Variants in NTM observed in about 807,000 individuals in gnomAD.
The protein encoded by NTM is neurotrimin.
In NTM, 13 loss-of-function variants were observed where a neutral mutation model predicts 42.1. The ratio of observed to expected loss-of-function variants is 0.31; its 90% CI spans 0.20 to 0.49. NTM has a LOEUF of 0.49. Among genes scored for constraint, NTM ranks in the 20% least tolerant of loss-of-function variants. NTM has a pLI of 0.99. For missense variants in NTM, 373 were observed against 452.8 expected (o/e 0.82, Z 1.60); for synonymous variants, 187 against 179.2 (o/e 1.04, Z -0.35).
chr11:131,919,040 G>A (rs552238955), intron 2 of NTM, among the ~76,000 whole-genome samples: 2 of 151,988 alleles, frequency 1.3e-5, no homozygotes, highest in South Asian at 2.1e-4. Flanking sequence ...ATTCTAGGAG[G>A]ATTCTACAGG....
intron 1 of NTM, among the ~76,000 whole-genome samples, chr11:131,744,606 A>G (rs910191269): frequency 6.6e-6 from 1 of 151,956 alleles, no homozygotes; most frequent in African/African-American, 2.4e-5. Flanking sequence ...GATATGGGTT[A>G]GAAAATTAAT....
intron 1 of NTM, among the ~76,000 whole-genome samples, chr11:131,761,678 G>A (rs1020989385): frequency 6.6e-6 from 1 of 151,948 alleles, no homozygotes; most frequent in Non-Finnish European, 1.5e-5. Context: ...GCGTGGTGGC[G>A]CATCCCTGTA....
rs544341749 is a variant in NTM, at chr11:131,414,849, G to T, written c.82+43961G>T. ...GTTCTTTCCAACCCTTCAGAAGCTTGCATGTTAGTCCTTCCATTGCCAAAC... is the reference window on the plus strand; with the variant it reads ...GTTCTTTCCAACCCTTCAGAAGCTTTCATGTTAGTCCTTCCATTGCCAAAC... On this transcript the variant is annotated intron_variant, in intron 1 of 8. Coordinates refer to ENST00000683400, the MANE Select transcript of NTM (RefSeq NM_001352005.2). Among the ~76,000 whole-genome samples, 9 of 152,242 alleles carry T rather than the reference G, an allele frequency of 5.9e-5. No individual in the cohort carries two copies. In the South Asian group the frequency reaches 1.7e-3, roughly 28 times the overall value.
chr11:131,526,416 C>T (rs1321882850), intron 1 of NTM, among the ~76,000 whole-genome samples: 1 of 152,180 alleles, frequency 6.6e-6, no homozygotes, highest in Admixed American at 6.5e-5. Context: ...CGTGCATCTC[C>T]AATGTCCGCT....
chr11:132,002,735 G>C lies in NTM; in HGVS notation c.167+91087G>C, dbSNP rs1272394655. On this transcript the variant is annotated intron_variant, in intron 2 of 8. Coordinates refer to ENST00000683400, the MANE Select transcript of NTM (RefSeq NM_001352005.2). The surrounding 1 kb of genome is among the most constrained non-coding windows in gnomAD (Gnocchi z 4.5). ...ATACAATGCCTGGGTTTGAATTCAAGTTCTGCCACTTCCTTACTCTGTCTC... is the reference window on the plus strand; with the variant it reads ...ATACAATGCCTGGGTTTGAATTCAACTTCTGCCACTTCCTTACTCTGTCTC... 1.3e-5 allele frequency among the ~76,000 whole-genome samples: 2 copies of C among 152,110 alleles called. No homozygotes were observed. The highest frequency in any genetic ancestry group is 2.9e-5 in the Non-Finnish European group (2 of 68,022).
chr11:131,634,866 A>G (rs1041666491), intron 1 of NTM, among the ~76,000 whole-genome samples: 3 of 152,348 alleles, frequency 2.0e-5, no homozygotes, highest in East Asian at 1.9e-4. Context: ...TACTTTGTAT[A>G]TAATTGGTAT....
chr11:131,775,991 A>C (rs1237956773), intron 1 of NTM, among the ~76,000 whole-genome samples: 1 of 152,212 alleles, frequency 6.6e-6, no homozygotes, highest in Non-Finnish European at 1.5e-5. Context: ...CGGGCCAGGA[A>C]ACTCAACAGA....
intron 1 of NTM, among the ~76,000 whole-genome samples, chr11:131,392,651 G>A (rs780688547): frequency 1.3e-5 from 2 of 152,164 alleles, no homozygotes; most frequent in Non-Finnish European, 2.9e-5. Flanking sequence ...ACCTGCCTGA[G>A]GAGAGGAAGC....
chr11:132,296,333 T>C lies in NTM; in HGVS notation c.527-11356T>C, dbSNP rs77343013. Among the ~76,000 whole-genome samples, 451 of 152,274 alleles carry C rather than the reference T, an allele frequency of 3.0e-3. 3 individuals carry two copies. Among genetic ancestry groups the C allele is most frequent in the African/African-American group, 9.8e-3 (409 of 41,566 alleles). ...TTACCTGGGGAGGGGGTAGAAGTAG[T>C]AGAGGAGTGGGCCTTATGTGATGCT... On this transcript the variant is annotated intron_variant, in intron 4 of 8. Transcript: ENST00000683400.
intron 2 of NTM, among the ~76,000 whole-genome samples, chr11:131,945,341 G>A (rs1261469437): frequency 1.3e-5 from 2 of 152,144 alleles, no homozygotes; most frequent in East Asian, 1.9e-4. Flanking sequence ...ACTCCACAGC[G>A]CTCTCATATC....
At chr11:131,718,250 C>T (rs2077936499) in intron 1 of NTM, among the ~76,000 whole-genome samples, 1 of 152,124 alleles carries the variant, frequency 6.6e-6, no homozygotes, top group Admixed American at 6.6e-5. Flanking sequence ...ATTCCTTCCT[C>T]TTCAATTTTC....
intron 2 of NTM, among the ~76,000 whole-genome samples, chr11:132,048,419 A>G (rs960227796): frequency 6.6e-6 from 1 of 152,156 alleles, no homozygotes; most frequent in Non-Finnish European, 1.5e-5. Context: ...TAGCACCAAG[A>G]ATAGAGGGGC....
At chr11:131,831,223 T>A (rs926988590) in intron 1 of NTM, among the ~76,000 whole-genome samples, 2 of 152,190 alleles carry the variant, frequency 1.3e-5, no homozygotes, top group Non-Finnish European at 2.9e-5. Context: ...TTAATAATAG[T>A]AGCTTCCTAA....
intron 1 of NTM, among the ~76,000 whole-genome samples, chr11:131,767,853 C>A (rs1180170580): frequency 6.6e-6 from 1 of 152,036 alleles, no homozygotes; most frequent in Non-Finnish European, 1.5e-5. Context: ...GACATCCAAG[C>A]GAGGAGACAG....
intron 1 of NTM, among the ~76,000 whole-genome samples, chr11:131,905,888 G>A (rs2053791501): frequency 6.6e-6 from 1 of 152,122 alleles, no homozygotes; most frequent in African/African-American, 2.4e-5. Flanking sequence ...GATTGTGCCT[G>A]GGAATCTGGA....
chr11:131,385,322 A>G (rs1943179194), intron 1 of NTM: 1 of 152,252 alleles, frequency 6.6e-6, no homozygotes, highest in Non-Finnish European at 1.5e-5. Flanking sequence ...CATAGGGTAC[A>G]CATATGGTTA....
chr11:132,166,892 G>A lies in NTM; in HGVS notation c.400+20378G>A, dbSNP rs145751416. Among the ~76,000 whole-genome samples the A allele has an allele frequency of 1.6e-4, 24 of 152,274 alleles. No homozygotes were observed. In the East Asian group the frequency reaches 4.5e-3, roughly 28 times the overall value. On this transcript the variant is annotated intron_variant, in intron 3 of 8. Transcript: ENST00000683400. Reference sequence around the variant, plus strand: ...CACTTCACTAGCAAGAGATGTGAGAGGACCGTTGTCATCTGTTTAGTGTTT... The same window carrying A: ...CACTTCACTAGCAAGAGATGTGAGAAGACCGTTGTCATCTGTTTAGTGTTT...
At chr11:131,600,142 G>A (rs184959519) in intron 1 of NTM, among the ~76,000 whole-genome samples, 37 of 152,134 alleles carry the variant, frequency 2.4e-4, no homozygotes, top group African/African-American at 6.5e-4. Context: ...GTGCATGTTC[G>A]GACCCTCCTC....
rs577584337 is a variant in NTM at position 131,956,781 on chromosome 11, A to G, written c.167+45133A>G. Among the ~76,000 whole-genome samples, 17 of 152,178 alleles carry G rather than the reference A, an allele frequency of 1.1e-4. No individual in the cohort carries two copies. The Middle Eastern group carries it at 0.01, about 91-fold the overall frequency. ...AGTCAATGGCCTTCCTCTTCACTCTATGGTCAGCCTCTGTTTTTGTGGGAC... is the reference window on the plus strand; with the variant it reads ...AGTCAATGGCCTTCCTCTTCACTCTGTGGTCAGCCTCTGTTTTTGTGGGAC... On this transcript the variant is annotated intron_variant, in intron 2 of 8. Coordinates refer to ENST00000683400, the MANE Select transcript of NTM (RefSeq NM_001352005.2).
Sources: allele counts gnomAD v4.1 joint callset (sites outside exome capture counted in the v4.1 genomes callset), GRCh38; gene constraint gnomAD v4.1.1; non-coding constraint Gnocchi (gnomAD v3.1); transcripts MANE v1.5; gene names NCBI Gene and HGNC (gene_info 2026-07-23, HGNC 2026-07-21).